ZNF462: variants seen among roughly 807,000 people sequenced by gnomAD.
ZNF462 encodes the protein zinc finger PBX1-interacting protein.
In ZNF462, 10 loss-of-function variants were observed where a neutral mutation model predicts 201.9. That is an observed-to-expected ratio of 0.05 (90% CI 0.03 to 0.08). The LOEUF is 0.08. Ranked by LOEUF, ZNF462 falls within the 10% of genes least tolerant of loss-of-function variation. The pLI, the probability that ZNF462 is intolerant of heterozygous loss-of-function variation, is 1.00. For synonymous variants in ZNF462, 1,227 were observed against 1,193.3 expected (o/e 1.03, Z -0.58); for missense variants, 2,523 against 3,168.3 (o/e 0.80, Z 4.89).
chr9:106,909,724 C>A (rs1466616414), intron 1 of ZNF462, among the ~76,000 whole-genome samples: 1 of 152,074 alleles, frequency 6.6e-6, no homozygotes. Flanking sequence ...AGTCAGAGGA[C>A]ACCTGACTTT....
chr9:106,989,324 A>G (rs904333430), intron 10 of ZNF462, among the ~76,000 whole-genome samples: 18 of 152,108 alleles, frequency 1.2e-4, no homozygotes, highest in African/African-American at 4.1e-4. Flanking sequence ...AATTCTGTTT[A>G]TGTGGTGTAT....
chr9:106,983,376 G>A lies in ZNF462; in HGVS notation c.6833-810G>A, dbSNP rs184044245. 8.1e-3 allele frequency among the ~76,000 whole-genome samples: 1,234 copies of A among 152,148 alleles called. 24 individuals are homozygous for A. The highest frequency in any genetic ancestry group is 6.0e-3 in the Non-Finnish European group (405 of 68,000). The stretch of plus-strand genomic sequence containing the variant: ...TCTCCTGCGCAACCCCACCTCCCCC[G>A]ATTGTTGCCTGCAGTCATTTCATTT... On this transcript the variant is annotated intron_variant, in intron 9 of 12. Coordinates refer to ENST00000277225, the MANE Select transcript of ZNF462 (RefSeq NM_021224.6).
intron 10 of ZNF462, among the ~76,000 whole-genome samples, chr9:106,990,354 A>T (rs1384536604): frequency 6.6e-6 from 1 of 151,994 alleles, no homozygotes; most frequent in Non-Finnish European, 1.5e-5. Flanking sequence ...TCTACCTTGG[A>T]GAAAGTTCCC....
intron 10 of ZNF462, among the ~76,000 whole-genome samples, chr9:106,995,869 G>A (rs1346119574): frequency 6.6e-6 from 1 of 152,144 alleles, no homozygotes; most frequent in East Asian, 1.9e-4. Context: ...ACAACGTGCA[G>A]GTTTGTCACA....
chr9:106,864,104 CTCTCT>C (rs1827210977), intron 1 of ZNF462, among the ~76,000 whole-genome samples: 7 of 122,538 alleles, frequency 5.7e-5, no homozygotes, highest in Admixed American at 1.7e-4. Context: ...CTCTCTCTCT[CTCTCT>C]CCCTCTCCCC....
chr9:106,931,291 G>T (rs188379574), intron 4 of ZNF462, among the ~76,000 whole-genome samples: 28 of 152,108 alleles, frequency 1.8e-4, no homozygotes, highest in Non-Finnish European at 3.8e-4. Context: ...CTTTTATTAG[G>T]CCACCTGTTT....
intron 1 of ZNF462, among the ~76,000 whole-genome samples, chr9:106,897,321 C>T (rs912608660): frequency 2.0e-5 from 3 of 152,180 alleles, no homozygotes; most frequent in Non-Finnish European, 4.4e-5. Context: ...TGAAAGAACA[C>T]TTCCCCTAAG....
At position 106,930,694 on chromosome 9, in the gene ZNF462, G is replaced by T. The variant is rs756367803; in HGVS notation, c.6012+5G>T. 6.2e-7 allele frequency: 1 copy of T among 1,613,948 alleles called. No homozygotes were observed. The highest frequency in any genetic ancestry group is 1.7e-5 in the Admixed American group (1 of 60,022). On this transcript the variant is annotated splice_donor_5th_base_variant and intron_variant, in intron 4 of 12. Transcript: ENST00000277225. The surrounding 1 kb of genome is among the most constrained non-coding windows in gnomAD (Gnocchi z 5.8). ...GCTGTGTCAGCTGCTGTGAAGGTGAGAACTGGAAGGTCTGGATGAGCATTG... is the reference window on the plus strand; with the variant it reads ...GCTGTGTCAGCTGCTGTGAAGGTGATAACTGGAAGGTCTGGATGAGCATTG...
chr9:106,988,423 C>T (rs917368520), intron 10 of ZNF462, among the ~76,000 whole-genome samples: 1 of 152,138 alleles, frequency 6.6e-6, no homozygotes, highest in Non-Finnish European at 1.5e-5. Context: ...TATGGGAGTA[C>T]AATTCAAGAT....
At position 106,880,249 on chromosome 9, in the gene ZNF462, G is replaced by T. The variant is rs774261423; in HGVS notation, c.-31+16894G>T. ...AAAGCCTGACTCTTCAGATATTCCC[G>T]AATGCTGAAATCTTCTCTGCATCAG... On this transcript the variant is annotated intron_variant, in intron 1 of 12. Transcript: ENST00000277225. The surrounding 1 kb of genome is among the most constrained non-coding windows in gnomAD (Gnocchi z 4.1). 6.6e-6 allele frequency among the ~76,000 whole-genome samples: 1 copy of T among 152,134 alleles called. No individual in the cohort carries two copies. Among genetic ancestry groups the T allele is most frequent in the East Asian group, 1.9e-4 (1 of 5,196 alleles).
chr9:106,867,076 G>GA (rs1260173681), intron 1 of ZNF462, among the ~76,000 whole-genome samples: 1 of 152,000 alleles, frequency 6.6e-6, no homozygotes, highest in South Asian at 2.1e-4. Flanking sequence ...TTCTGGAAGG[G>GA]AAAAAATAGG....
intron 1 of ZNF462, among the ~76,000 whole-genome samples, chr9:106,909,430 A>G (rs1829449589): frequency 6.6e-6 from 1 of 152,154 alleles, no homozygotes; most frequent in African/African-American, 2.4e-5. Context: ...TTAGTTCTAA[A>G]TGTAAGTGGA....
chr9:106,994,515 T>C (rs1322459762), intron 10 of ZNF462, among the ~76,000 whole-genome samples: 1 of 152,148 alleles, frequency 6.6e-6, no homozygotes, highest in Admixed American at 6.6e-5. Context: ...TTTGGATTGC[T>C]TTTTATTTCT....
rs1300597997 is a variant in ZNF462, at chr9:106,872,123, CA to C, written c.-31+8770del. Among the ~76,000 whole-genome samples the C allele has an allele frequency of 1.3e-5, 2 of 152,098 alleles. No homozygotes were observed. The highest frequency in any genetic ancestry group is 2.9e-5 in the Non-Finnish European group (2 of 68,022). ...CTCTGTGTTATGACTAATTAGTCAG[CA>C]ATTGAGCACCAATCATTCAACCCAG... On this transcript the variant is annotated intron_variant, in intron 1 of 12. Transcript: ENST00000277225. This position sits in a 1 kb window ranked among gnomAD's most constrained non-coding sequence, Gnocchi z 4.5.
At chr9:106,864,065 T>TCTCTCG in intron 1 of ZNF462, among the ~76,000 whole-genome samples, 1 of 111,148 alleles carries the variant, frequency 9.0e-6, no homozygotes, top group Admixed American at 9.1e-5. Flanking sequence ...TCTCTCTCTC[T>TCTCTCG]CTCTCTCTCT....
chr9:106,898,763 A>G (rs1340883774), intron 1 of ZNF462, among the ~76,000 whole-genome samples: 1 of 152,142 alleles, frequency 6.6e-6, no homozygotes, highest in Non-Finnish European at 1.5e-5. Context: ...TACAGAAACA[A>G]TGGTTTTGTA....
At chr9:106,903,982 T>C (rs2131214787) in intron 1 of ZNF462, among the ~76,000 whole-genome samples, 1 of 152,350 alleles carries the variant, frequency 6.6e-6, no homozygotes, top group Non-Finnish European at 1.5e-5. Flanking sequence ...CTGTGTACTT[T>C]GGTTTTTTGT....
chr9:106,951,008 T>C (rs1831320134), intron 7 of ZNF462, among the ~76,000 whole-genome samples: 2 of 151,732 alleles, frequency 1.3e-5, no homozygotes, highest in Admixed American at 1.3e-4. Flanking sequence ...GAGAATTGCT[T>C]GAACCCAGGA....
chr9:107,007,437 G>A (rs1829626281), intron 11 of ZNF462, among the ~76,000 whole-genome samples: 1 of 152,096 alleles, frequency 6.6e-6, no homozygotes, highest in Non-Finnish European at 1.5e-5. Context: ...AAAGTATAGT[G>A]TCCACATTCG....
Sources: gnomAD v4.1 joint callset for allele counts (sites outside exome capture counted in the v4.1 genomes callset) on GRCh38, gnomAD v4.1.1 for gene constraint, Gnocchi (gnomAD v3.1) non-coding constraint, MANE v1.5 for transcripts, NCBI Gene and HGNC (gene_info 2026-07-23, HGNC 2026-07-21) for gene names.